The following IGSF11 variants were observed in gnomAD, a reference collection of about 807,000 sequenced individuals.
IGSF11 encodes the protein immunoglobulin superfamily member 11.
In IGSF11, 22 loss-of-function variants were observed where a neutral mutation model predicts 41.0. The observed-to-expected ratio is 0.54, with a 90% confidence interval of 0.38 to 0.77. The LOEUF is 0.77. IGSF11 is among the 30% of genes least tolerant of loss of function. The pLI is 0.00. For synonymous variants in IGSF11, 219 were observed against 201.3 expected, an observed-to-expected ratio of 1.09 and a Z score of -0.74; for missense variants, 444 against 530.8, an observed-to-expected ratio of 0.84 and a Z score of 1.61.
chr3:118,929,688 A>G (rs1299328844), intron 2 of IGSF11, among the ~76,000 whole-genome samples: 1 of 152,208 alleles, frequency 6.6e-6, no homozygotes, highest in Non-Finnish European at 1.5e-5. Flanking sequence ...TGAGCTCACT[A>G]ACATGGCTAG....
intron 1 of IGSF11, among the ~76,000 whole-genome samples, chr3:118,995,318 T>C (rs1936162296): frequency 6.6e-6 from 1 of 152,180 alleles, no homozygotes; most frequent in South Asian, 2.1e-4. Flanking sequence ...AAATCACTTC[T>C]GGTTGAAACA....
intron 1 of IGSF11, among the ~76,000 whole-genome samples, chr3:119,102,940 A>C (rs2076960558): frequency 6.6e-6 from 1 of 151,392 alleles, no homozygotes; most frequent in Non-Finnish European, 1.5e-5. Context: ...TATTTACAGA[A>C]GGAGTGCATA....
chr3:118,971,648 C>T (rs1280016973), intron 1 of IGSF11, among the ~76,000 whole-genome samples: 1 of 151,734 alleles, frequency 6.6e-6, no homozygotes, highest in Non-Finnish European at 1.5e-5. Context: ...ACTAAAAATA[C>T]AAAAAATTAG....
chr3:119,019,837 T>C (rs1419347670), intron 1 of IGSF11, among the ~76,000 whole-genome samples: 2 of 152,204 alleles, frequency 1.3e-5, no homozygotes, highest in Non-Finnish European at 2.9e-5. Context: ...CTCTGATTGC[T>C]ATAGACTGAA....
At chr3:118,986,666 G>A (rs1935286153) in intron 1 of IGSF11, among the ~76,000 whole-genome samples, 1 of 152,116 alleles carries the variant, frequency 6.6e-6, no homozygotes, top group African/African-American at 2.4e-5. Flanking sequence ...CACAGAGAAG[G>A]AAACTACAGC....
intron 1 of IGSF11, among the ~76,000 whole-genome samples, chr3:118,938,041 A>AATG (rs1943409975): frequency 1.3e-5 from 2 of 149,094 alleles, no homozygotes; most frequent in Admixed American, 1.3e-4. Context: ...TATATATAAA[A>AATG]TGTGTGTGTG....
intron 1 of IGSF11, among the ~76,000 whole-genome samples, chr3:118,953,127 C>T (rs1019919717): frequency 2.0e-5 from 3 of 152,072 alleles, no homozygotes; most frequent in African/African-American, 7.2e-5. Context: ...TTAGCTCCCG[C>T]CTGTGAGTGA....
chr3:118,906,662 C>G (rs973024979), intron 4 of IGSF11, among the ~76,000 whole-genome samples: 2 of 152,124 alleles, frequency 1.3e-5, no homozygotes, highest in Non-Finnish European at 2.9e-5. Flanking sequence ...ACTGGTATTG[C>G]CAAGAAATGC....
chr3:119,073,550 G>A (rs1004454079), intron 1 of IGSF11, among the ~76,000 whole-genome samples: 3 of 152,216 alleles, frequency 2.0e-5, no homozygotes, highest in Non-Finnish European at 4.4e-5. Flanking sequence ...CCTGCCCTGC[G>A]GGAAGGCAGC....
intron 4 of IGSF11, among the ~76,000 whole-genome samples, chr3:118,917,157 A>C (rs1472355165): frequency 1.5e-4 from 22 of 149,884 alleles, no homozygotes; most frequent in African/African-American, 5.1e-4. Context: ...AGAAAGCAGG[A>C]AAGATCCAAA....
intron 1 of IGSF11, among the ~76,000 whole-genome samples, chr3:119,130,467 T>C (rs1263007745): frequency 3.9e-5 from 6 of 152,042 alleles, no homozygotes; most frequent in African/African-American, 1.2e-4. Context: ...AGCGCAGCAG[T>C]CTGAGATGGA....
At chr3:119,024,755 T>G (rs573653929) in intron 1 of IGSF11, among the ~76,000 whole-genome samples, 10 of 152,268 alleles carry the variant, frequency 6.6e-5, no homozygotes, top group Admixed American at 2.0e-4. Context: ...TAACCTAGTA[T>G]AGTTAAAATT....
chr3:118,953,837 C>T (rs1944762398), intron 1 of IGSF11, among the ~76,000 whole-genome samples: 1 of 152,048 alleles, frequency 6.6e-6, no homozygotes, highest in Non-Finnish European at 1.5e-5. Context: ...AAGATTTTTT[C>T]CCACTCTGTG....
intron 1 of IGSF11, among the ~76,000 whole-genome samples, chr3:119,060,043 A>G (rs1351152277): frequency 6.6e-6 from 1 of 152,204 alleles, no homozygotes; most frequent in Non-Finnish European, 1.5e-5. Context: ...AGTCCCCACC[A>G]GAGTGTTCCT....
At chr3:119,099,318 T>C (rs1465688310) in intron 1 of IGSF11, among the ~76,000 whole-genome samples, 3 of 152,150 alleles carry the variant, frequency 2.0e-5, no homozygotes, top group South Asian at 2.1e-4. Context: ...AAGGTTAGTG[T>C]AGTATATCAA....
At chr3:119,007,988 C>T (rs1937622061) in intron 1 of IGSF11, among the ~76,000 whole-genome samples, 1 of 152,140 alleles carries the variant, frequency 6.6e-6, no homozygotes, top group Admixed American at 6.5e-5. Flanking sequence ...TCCTCCTAAT[C>T]ATCGACTCAA....
At chr3:119,022,318 A>T (rs1292247546) in intron 1 of IGSF11, among the ~76,000 whole-genome samples, 1 of 152,226 alleles carries the variant, frequency 6.6e-6, no homozygotes, top group African/African-American at 2.4e-5. Context: ...GATTTTGTTT[A>T]GGGTAATGTA....
In IGSF11 at chr3:119,142,057, C is replaced by T. The variant is rs1483954836; in HGVS notation, c.-14+3756G>A. On this transcript the variant is annotated intron_variant, in intron 1 of 7. Transcript: ENST00000425327. The stretch of plus-strand genomic sequence containing the variant: ...TTGGGAGGCCGAGGAGGACGGATCA[C>T]GAGGTCAGGAAATCAAAACCATCCT... 2.6e-5 allele frequency among the ~76,000 whole-genome samples: 4 copies of T among 152,030 alleles called. No individual in the cohort carries two copies. The East Asian group carries it at 5.8e-4, about 22-fold the overall frequency.
chr3:119,096,727 G>A (rs115053096), intron 1 of IGSF11, among the ~76,000 whole-genome samples: 4 of 152,298 alleles, frequency 2.6e-5, no homozygotes, highest in Admixed American at 6.5e-5. Flanking sequence ...ATGCCAAGGC[G>A]TATCAAAGGG....
Sources: allele counts gnomAD v4.1 joint callset (sites outside exome capture counted in the v4.1 genomes callset), GRCh38; gene constraint gnomAD v4.1.1; transcripts MANE v1.5; gene names NCBI Gene and HGNC (gene_info 2026-07-23, HGNC 2026-07-21).